ROBO1: variants seen among roughly 807,000 people sequenced by gnomAD.
The protein encoded by ROBO1 is roundabout guidance receptor 1.
Under a neutral mutation model 195.9 loss-of-function variants are expected in ROBO1, and 149 were observed. The ratio of observed to expected loss-of-function variants is 0.76; its 90% confidence interval spans 0.67 to 0.87. ROBO1 has a LOEUF of 0.87. ROBO1 is among the 40% of genes least tolerant of loss of function. The pLI, the probability that ROBO1 is intolerant of heterozygous loss-of-function variation, is 0.00. For synonymous variants in ROBO1, 816 were observed against 733.2 expected (o/e 1.11, Z -1.82); for missense variants, 1,933 against 2,068.3 (o/e 0.93, Z 1.27).
At chr3:79,228,611 A>C (rs1477674051) in intron 2 of ROBO1, among the ~76,000 whole-genome samples, 1 of 152,128 alleles carries the variant, frequency 6.6e-6, no homozygotes, top group African/African-American at 2.4e-5. Context: ...ATGGTTACAA[A>C]TATTTCTCCA....
At chr3:79,354,657 G>C (rs1318709767) in intron 2 of ROBO1, among the ~76,000 whole-genome samples, 1 of 152,070 alleles carries the variant, frequency 6.6e-6, no homozygotes, top group Non-Finnish European at 1.5e-5. Flanking sequence ...GATTTGTCTT[G>C]AACTCTGCCT....
chr3:79,339,949 A>C (rs1462462507), intron 2 of ROBO1, among the ~76,000 whole-genome samples: 1 of 152,106 alleles, frequency 6.6e-6, no homozygotes, highest in African/African-American at 2.4e-5. Context: ...CCTCCACTCC[A>C]ATGACTTTGA....
chr3:78,685,302 G>T (rs2081027315), intron 10 of ROBO1, among the ~76,000 whole-genome samples: 2 of 152,152 alleles, frequency 1.3e-5, no homozygotes, highest in South Asian at 4.2e-4. Flanking sequence ...ATGTTTAGGG[G>T]AGTTGACAGA....
chr3:79,500,455 C>T (rs1940008924), intron 2 of ROBO1, among the ~76,000 whole-genome samples: 1 of 152,174 alleles, frequency 6.6e-6, no homozygotes. Flanking sequence ...AATTTGTCCT[C>T]AGTGAGGTGC....
chr3:79,688,850 G>T (rs1476094223), intron 1 of ROBO1, among the ~76,000 whole-genome samples: 2 of 151,870 alleles, frequency 1.3e-5, no homozygotes, highest in African/African-American at 4.8e-5. Context: ...TGGTACATCT[G>T]GAAATAATTG....
At chr3:79,454,291 A>G (rs9654020) in intron 2 of ROBO1, among the ~76,000 whole-genome samples, 101,360 of 151,816 alleles carry the variant, frequency 0.67, 35,330 homozygotes, top group African/African-American at 0.89. Context: ...AAAAATAAGC[A>G]CTGTAATGTT....
At chr3:78,982,954 C>A (rs2077031195) in intron 3 of ROBO1, among the ~76,000 whole-genome samples, 1 of 151,962 alleles carries the variant, frequency 6.6e-6, no homozygotes, top group Non-Finnish European at 1.5e-5. Flanking sequence ...CACTCTGTGG[C>A]TGGAGTGGAG....
At chr3:78,697,036 TCACACACAGACACACA>T (rs1170886780) in intron 8 of ROBO1, among the ~76,000 whole-genome samples, 1 of 126,532 alleles carries the variant, frequency 7.9e-6, no homozygotes, top group African/African-American at 3.0e-5. Flanking sequence ...TCTCTCTCTG[TCACACACAGACACACA>T]CACACACACA....
chr3:79,254,885 T>C (rs778386362), intron 2 of ROBO1, among the ~76,000 whole-genome samples: 1 of 152,180 alleles, frequency 6.6e-6, no homozygotes, highest in Non-Finnish European at 1.5e-5. Context: ...AAATGTTTGT[T>C]GCATCAGTGA....
At chr3:79,558,194 C>T (rs1261585470) in intron 2 of ROBO1, among the ~76,000 whole-genome samples, 1 of 152,048 alleles carries the variant, frequency 6.6e-6, no homozygotes, top group Non-Finnish European at 1.5e-5. Context: ...GCCTCTCCTG[C>T]CTTCCCCTTC....
chr3:78,788,111 GT>G (rs1169636986), intron 4 of ROBO1, among the ~76,000 whole-genome samples: 4 of 139,210 alleles, frequency 2.9e-5, no homozygotes, highest in Middle Eastern at 3.6e-3. Flanking sequence ...GACTGATTTT[GT>G]TTTTGTATTT....
chr3:78,679,459 G>C (rs1276504713), intron 10 of ROBO1, among the ~76,000 whole-genome samples: 6 of 152,166 alleles, frequency 3.9e-5, no homozygotes, highest in African/African-American at 1.2e-4. Flanking sequence ...TCCTTAAGCT[G>C]ATAAGCAACT....
rs925152063 is a variant in ROBO1 at position 79,081,893 on chromosome 3, C to T, written c.172+43563G>A. On this transcript the variant is annotated intron_variant, in intron 3 of 30. Transcript: ENST00000464233. Reference sequence around the variant, plus strand: ...TTAAAGGATTAAATGATATAATTAACAATAGTGACATTTAATGCTATATTA... The same window carrying T: ...TTAAAGGATTAAATGATATAATTAATAATAGTGACATTTAATGCTATATTA... Among the ~76,000 whole-genome samples the T allele has an allele frequency of 3.3e-5, 5 of 152,088 alleles. No homozygotes were observed. In the East Asian group the frequency reaches 5.8e-4, roughly 18 times the overall value.
chr3:79,678,958 T>C (rs1032421059), intron 1 of ROBO1, among the ~76,000 whole-genome samples: 5 of 152,056 alleles, frequency 3.3e-5, no homozygotes, highest in Admixed American at 6.6e-5. Context: ...ACTTAATGAA[T>C]ACTATGGAAA....
intron 4 of ROBO1, among the ~76,000 whole-genome samples, chr3:78,920,611 TTTC>T (rs1430723223): frequency 6.7e-6 from 1 of 149,968 alleles, no homozygotes; most frequent in African/African-American, 2.5e-5. Context: ...AGCCTTTCTT[TTTC>T]TTTCTTTCAG....
At chr3:79,423,948 C>T (rs918297720) in intron 2 of ROBO1, among the ~76,000 whole-genome samples, 1 of 151,768 alleles carries the variant, frequency 6.6e-6, no homozygotes, top group Non-Finnish European at 1.5e-5. Context: ...CATAAGACTG[C>T]CCCTCTTTAT....
intron 18 of ROBO1, among the ~76,000 whole-genome samples, chr3:78,655,153 G>T (rs1431084405): frequency 6.6e-6 from 1 of 152,024 alleles, no homozygotes; most frequent in Admixed American, 6.6e-5. Context: ...AGTTTTTGGA[G>T]AACAGGATGT....
chr3:79,047,425 C>T (rs1019356395), intron 3 of ROBO1, among the ~76,000 whole-genome samples: 3 of 151,784 alleles, frequency 2.0e-5, no homozygotes, highest in Admixed American at 6.6e-5. Context: ...AGATGGCAAA[C>T]GATGTTAAAA....
At chr3:78,954,490 TACA>T (rs2107792687) in intron 3 of ROBO1, among the ~76,000 whole-genome samples, 1 of 152,166 alleles carries the variant, frequency 6.6e-6, no homozygotes, top group Non-Finnish European at 1.5e-5. Flanking sequence ...TAGAATATAA[TACA>T]ACAAATATAA....
Sources: allele counts gnomAD v4.1 joint callset (sites outside exome capture counted in the v4.1 genomes callset), GRCh38; gene constraint gnomAD v4.1.1; transcripts MANE v1.5; gene names NCBI Gene and HGNC (gene_info 2026-07-23, HGNC 2026-07-21).